The following LRFN5 variants were observed in gnomAD, a reference collection of about 807,000 sequenced individuals.
LRFN5 encodes the protein leucine-rich repeat and fibronectin type-III domain-containing protein 5.
Under a neutral mutation model 45.6 loss-of-function variants are expected in LRFN5, and 24 were observed. The observed-to-expected ratio is 0.53, with a 90% CI of 0.38 to 0.74. The LOEUF (loss-of-function observed/expected upper bound fraction) is 0.74, where lower values mean the gene tolerates loss of function less well. Ranked by LOEUF, LRFN5 falls within the 30% of genes least tolerant of loss-of-function variation. The pLI, the probability that LRFN5 is intolerant of heterozygous loss-of-function variation, is 0.00. For synonymous variants in LRFN5, 340 were observed against 313.8 expected (o/e 1.08, Z -0.88); for missense variants, 776 against 861.5 (o/e 0.90, Z 1.24).
intron 1 of LRFN5, among the ~76,000 whole-genome samples, chr14:41,652,301 T>C (rs1414959456): frequency 6.6e-6 from 1 of 152,084 alleles, no homozygotes; most frequent in East Asian, 1.9e-4. Flanking sequence ...CCTAGAAGTG[T>C]AAAATGTAAG....
At chr14:41,648,094 A>C (rs1394078159) in intron 1 of LRFN5, among the ~76,000 whole-genome samples, 1 of 152,178 alleles carries the variant, frequency 6.6e-6, no homozygotes, top group Admixed American at 6.5e-5. Flanking sequence ...GGTAACATAC[A>C]AGCGCCATCA....
chr14:41,794,669 A>T (rs1887055329), intron 2 of LRFN5, among the ~76,000 whole-genome samples: 1 of 152,016 alleles, frequency 6.6e-6, no homozygotes, highest in East Asian at 1.9e-4. Context: ...TCTTGAGATG[A>T]TTGTCCTTTG....
At chr14:41,663,545 G>GA (rs1025855704) in intron 1 of LRFN5, among the ~76,000 whole-genome samples, 49 of 151,940 alleles carry the variant, frequency 3.2e-4, no homozygotes, top group African/African-American at 1.1e-3. Context: ...TTAGTTATTA[G>GA]AAAAAAATAA....
chr14:41,673,225 G>A (rs939259176), intron 1 of LRFN5, among the ~76,000 whole-genome samples: 1 of 151,998 alleles, frequency 6.6e-6, no homozygotes, highest in Non-Finnish European at 1.5e-5. Context: ...TCAATGAGCT[G>A]TTGGGTACAC....
At chr14:41,683,740 G>C (rs1882003350) in intron 1 of LRFN5, among the ~76,000 whole-genome samples, 1 of 151,974 alleles carries the variant, frequency 6.6e-6, no homozygotes, top group Admixed American at 6.6e-5. Flanking sequence ...AACTTAACCA[G>C]AGAAGTGAAA....
intron 1 of LRFN5, among the ~76,000 whole-genome samples, chr14:41,665,368 A>G (rs1880849034): frequency 1.3e-5 from 2 of 152,152 alleles, no homozygotes; most frequent in South Asian, 4.1e-4. Flanking sequence ...GATGAGAGGT[A>G]ACATTCAGAT....
At chr14:41,885,273 C>T (rs1324745202) in intron 2 of LRFN5, among the ~76,000 whole-genome samples, 4 of 149,588 alleles carry the variant, frequency 2.7e-5, no homozygotes, top group South Asian at 2.1e-4. Context: ...TGCAGTGAGC[C>T]ATGATCACAC....
chr14:41,729,919 A>C (rs527347556), intron 1 of LRFN5, among the ~76,000 whole-genome samples: 14 of 151,926 alleles, frequency 9.2e-5, no homozygotes, highest in African/African-American at 3.1e-4. Context: ...GTTGCCAATT[A>C]GGTGAAGAAT....
intron 2 of LRFN5, among the ~76,000 whole-genome samples, chr14:41,817,545 A>G (rs1887964695): frequency 1.3e-5 from 2 of 152,124 alleles, no homozygotes; most frequent in South Asian, 2.1e-4. Context: ...CAGGATGACT[A>G]GAGGGGTCCA....
intron 1 of LRFN5, among the ~76,000 whole-genome samples, chr14:41,624,750 A>G (rs1437606424): frequency 6.6e-6 from 1 of 152,202 alleles, no homozygotes; most frequent in Admixed American, 6.5e-5. Flanking sequence ...ACAAAGAAGC[A>G]AAAGTTCTAA....
At chr14:41,608,912 C>A (rs550580055) in intron 1 of LRFN5, among the ~76,000 whole-genome samples, 1 of 152,136 alleles carries the variant, frequency 6.6e-6, no homozygotes, top group African/African-American at 2.4e-5. Flanking sequence ...GGTACCCAAC[C>A]CTTTCCAGAT....
chr14:41,829,900 A>T (rs530499953), intron 2 of LRFN5, among the ~76,000 whole-genome samples: 1 of 151,040 alleles, frequency 6.6e-6, no homozygotes, highest in Admixed American at 6.6e-5. Context: ...TGCTTAGTTC[A>T]TCTATATTTT....
chr14:41,892,555 A>G (rs908068516), intron 4 of LRFN5: 9 of 977,446 alleles, frequency 9.2e-6, no homozygotes, highest in Non-Finnish European at 1.1e-5. Flanking sequence ...AGTAGACTGT[A>G]TATTTTCTTT....
At chr14:41,715,006 T>C (rs1883434678) in intron 1 of LRFN5, among the ~76,000 whole-genome samples, 1 of 152,238 alleles carries the variant, frequency 6.6e-6, no homozygotes, top group East Asian at 1.9e-4. Flanking sequence ...ACATAGAATG[T>C]TAAAGGGTTT....
chr14:41,879,123 G>A (rs902981864), intron 2 of LRFN5, among the ~76,000 whole-genome samples: 24 of 151,806 alleles, frequency 1.6e-4, no homozygotes, highest in East Asian at 1.2e-3. Context: ...CTAAATTACC[G>A]TATCTGTATA....
At chr14:41,642,929 A>G (rs575570202) in intron 1 of LRFN5, among the ~76,000 whole-genome samples, 4 of 152,324 alleles carry the variant, frequency 2.6e-5, no homozygotes, top group Admixed American at 2.6e-4. Flanking sequence ...AATTTGTTAT[A>G]CTTGTACACT....
At chr14:41,693,575 G>T (rs1308259918) in intron 1 of LRFN5, among the ~76,000 whole-genome samples, 1 of 151,592 alleles carries the variant, frequency 6.6e-6, no homozygotes, top group African/African-American at 2.4e-5. Flanking sequence ...TGCTGTTATT[G>T]AATTTATATT....
At chr14:41,897,481 A>C (rs1890979181) in intron 4 of LRFN5, among the ~76,000 whole-genome samples, 2 of 152,110 alleles carry the variant, frequency 1.3e-5, no homozygotes, top group Non-Finnish European at 2.9e-5. Context: ...TGCTCAACAA[A>C]TATCTGCCTA....
At chr14:41,854,878 A>G (rs966478320) in intron 2 of LRFN5, among the ~76,000 whole-genome samples, 1 of 152,212 alleles carries the variant, frequency 6.6e-6, no homozygotes, top group Non-Finnish European at 1.5e-5. Context: ...TCTGATCGAT[A>G]AAACAAAAGC....
Sources: gnomAD v4.1 joint callset for allele counts (sites outside exome capture counted in the v4.1 genomes callset) on GRCh38, gnomAD v4.1.1 for gene constraint, MANE v1.5 for transcripts, NCBI Gene and HGNC (gene_info 2026-07-23, HGNC 2026-07-21) for gene names.